The following DDX17 variants were observed in gnomAD, a reference collection of about 807,000 sequenced individuals.
The protein encoded by DDX17 is probable ATP-dependent RNA helicase DDX17.
Under a neutral mutation model 80.8 loss-of-function variants are expected in DDX17, and 10 were observed. That is an observed-to-expected ratio of 0.12 (90% CI 0.08 to 0.21). The LOEUF (loss-of-function observed/expected upper bound fraction) is 0.21, where lower values mean the gene tolerates loss of function less well. Among genes scored for constraint, DDX17 ranks in the 10% least tolerant of loss-of-function variants. The pLI is 1.00. For missense variants in DDX17, 586 were observed against 957.4 expected (o/e 0.61, Z 5.12); for synonymous variants, 339 against 336.2 (o/e 1.01, Z -0.09).
chr22:38,488,784 A>G (rs2089686987), intron 11 of DDX17: 1 of 985,568 alleles, frequency 1.0e-6, no homozygotes, highest in Non-Finnish European at 1.2e-6. Flanking sequence ...CAATTACAAG[A>G]GCACATTACA....
chr22:38,490,103 G>A (rs1238347828), intron 11 of DDX17: 5 of 1,133,974 alleles, frequency 4.4e-6, no homozygotes, highest in East Asian at 1.3e-4. Context: ...TCCTGTGTGT[G>A]CATGCACAGC....
intron 2 of DDX17, among the ~76,000 whole-genome samples, chr22:38,499,705 T>C (rs1397301457): frequency 6.6e-6 from 1 of 152,112 alleles, no homozygotes; most frequent in African/African-American, 2.4e-5. Context: ...TGATTAAGAG[T>C]TCCATTTTCT....
chr22:38,490,619 T>C, intron 11 of DDX17: 1 of 430,836 alleles, frequency 2.3e-6, no homozygotes, highest in Non-Finnish European at 3.9e-6. Flanking sequence ...GACCATCGCT[T>C]GACAGGAAGT....
chr22:38,487,960 T>C lies in DDX17; in HGVS notation c.1603A>G (p.Lys535Glu). The C allele has an allele frequency of 6.2e-7, 1 of 1,614,224 alleles. No individual in the cohort carries two copies. Among genetic ancestry groups the C allele is most frequent in the Non-Finnish European group, 8.5e-7 (1 of 1,180,018 alleles). The change falls in exon 12 of 13, where the codon AAA becomes GAA. Residue 535 changes from lysine to glutamate, a missense_variant. Physicochemically the swap from Lys to Glu is moderately conservative, Grantham distance 56 (BLOSUM62 1). Transcript: ENST00000403230. ...GCCTGATTGGCCTCTTCCAGCACTT[T>C]GATAAGCTCTCTGGCCTGTTTTAGG...
At chr22:38,498,883 T>C (rs952757317) in intron 3 of DDX17, among the ~76,000 whole-genome samples, 11 of 152,098 alleles carry the variant, frequency 7.2e-5, no homozygotes, top group African/African-American at 2.7e-4. Context: ...AGAGTGGTGG[T>C]GGGCCCTTGT....
At chr22:38,501,073 A>C in intron 2 of DDX17, 57 bp downstream of exon 2, 1 of 1,571,594 alleles carries the variant, frequency 6.4e-7, no homozygotes, top group Non-Finnish European at 8.6e-7. Flanking sequence ...ATAAACTCTA[A>C]CCAATATATC....
rs755442993 is a variant in DDX17 at position 38,498,077 on chromosome 22, A to G, written c.738+8T>C. On this transcript the variant is annotated splice_region_variant and intron_variant, in intron 5 of 12. Transcript: ENST00000403230. ...CTTAGAATTACAAAGAAACTGAAAC[A>G]CACTTACGATTGGGCCATCTCCCCT... 6.2e-7 allele frequency: 1 copy of G among 1,612,748 alleles called. No individual in the cohort carries two copies. Among genetic ancestry groups the G allele is most frequent in the Non-Finnish European group, 8.5e-7 (1 of 1,179,140 alleles).
At position 38,486,316 on chromosome 22, in the gene DDX17, C is replaced by T. The variant is rs550970848; in HGVS notation, c.1809G>A (p.Arg603=). Residue 603 remains arginine, a synonymous_variant, in exon 13 of 13, where the codon CGG becomes CGA. Coordinates refer to ENST00000403230, the MANE Select transcript of DDX17 (RefSeq NM_006386.5). ...CAGCTCTATCGGTTTCACTACGATC[C>T]CGATAGCTTGCAGAGTCTCTCCGGC... 1.1e-5 allele frequency: 17 copies of T among 1,614,170 alleles called. No individual in the cohort carries two copies. In the South Asian group the frequency reaches 1.8e-4, roughly 17 times the overall value.
rs956823624 is a variant in DDX17 at position 38,483,945 on chromosome 22, A to G, written c.*1990T>C. The G allele has an allele frequency of 2.6e-5, 4 of 152,322 alleles. No homozygotes were observed. Among genetic ancestry groups the G allele is most frequent in the Non-Finnish European group, 5.9e-5 (4 of 68,036 alleles). The allele number at this position is 152,322 out of a possible 1,614,324, so 9.4% of individuals were successfully genotyped here. On this transcript the variant is annotated 3_prime_UTR_variant, in exon 13 of 13. Coordinates refer to ENST00000403230, the MANE Select transcript of DDX17 (RefSeq NM_006386.5). ...TGTTATTTTATGATTACAATGTCCC[A>G]GGTGGAAAAAGGGAAGCAAGCAATC...
chr22:38,495,104 G>A, intron 6 of DDX17, 58 bp from the exon 7 acceptor site: 1 of 1,536,902 alleles, frequency 6.5e-7, no homozygotes. Context: ...TCACAGCTGT[G>A]TTCTAGCACT....
At chr22:38,500,118 GTGAGC>G (rs937671031) in intron 2 of DDX17, among the ~76,000 whole-genome samples, 7 of 150,850 alleles carry the variant, frequency 4.6e-5, no homozygotes, top group Non-Finnish European at 8.8e-5. Context: ...AGAGGTTGCA[GTGAGC>G]CAAGATCATG....
In DDX17 at chr22:38,488,120, C is replaced by T; in HGVS notation, c.1448-5G>A. 1 of 1,614,168 alleles carries T rather than the reference C, an allele frequency of 6.2e-7. No homozygotes were observed. The highest frequency in any genetic ancestry group is 8.5e-7 in the Non-Finnish European group (1 of 1,180,032). On this transcript the variant is annotated splice_region_variant and splice_polypyrimidine_tract_variant and intron_variant, in intron 11 of 12. Coordinates refer to ENST00000403230, the MANE Select transcript of DDX17 (RefSeq NM_006386.5). ...CAAACTTGACATCTTCCACATCTTC[C>T]ACGTCAATGATGAGTCAGTGTGTAG...
Position 38,485,969 on chromosome 22 carries a change from G to A in DDX17, c.2156C>T (p.Pro719Leu), listed in dbSNP as rs148337668. ...TGAAGGAGGAGGAGGGGGAGGAGGA[G>A]GAGGGTATTGGTAGGCAGTCTGCCC... is the stretch of plus-strand genomic sequence containing the variant. The change falls in exon 13 of 13, where the codon CCT becomes CTT. Residue 719 changes from proline to leucine, a missense_variant. This residue lies in a region of DDX17 where 221 missense variants were observed against 261.4 expected (regional missense o/e 0.85). Transcript: ENST00000403230. 8 of 1,613,842 alleles carry A rather than the reference G, an allele frequency of 5.0e-6. No homozygotes were observed. The highest frequency in any genetic ancestry group is 1.3e-5 in the African/African-American group (1 of 74,854).
Position 38,498,132 on chromosome 22 carries a change from C to T in DDX17, c.691G>A (p.Val231Ile). Residue 231 changes from valine (V) to isoleucine (I), a missense_variant, in exon 5 of 13, where the codon GTT becomes ATT. Around this residue, in one of 4 missense-constraint regions of DDX17, gnomAD observed 141 missense variants for 379.3 expected, o/e 0.37. Transcript: ENST00000403230. ...AAGTATGGCTGGTGGTTAATATGAA[C>T]AATTGCAGGCAGGAGATACTGTGGA... 6.2e-7 allele frequency: 1 copy of T among 1,614,024 alleles called. No homozygotes were observed. Among genetic ancestry groups the T allele is most frequent in the South Asian group, 1.1e-5 (1 of 91,078 alleles).
chr22:38,497,768 AAC>A (rs886103052), intron 5 of DDX17, among the ~76,000 whole-genome samples: 9 of 152,122 alleles, frequency 5.9e-5, no homozygotes, highest in Non-Finnish European at 1.0e-4. Context: ...ATCTCAAAAA[AAC>A]ACAAAAAATC....
chr22:38,487,829 G>A (rs140721905), intron 12 of DDX17, 50 bp downstream of exon 12: 51 of 1,604,902 alleles, frequency 3.2e-5, no homozygotes, highest in East Asian at 4.5e-5. Flanking sequence ...CACAGAAGGC[G>A]TAAAGAGATA....
chr22:38,485,200 A>G lies in DDX17; in HGVS notation c.*735T>C, dbSNP rs2089642642. 1.3e-5 allele frequency: 2 copies of G among 152,218 alleles called. No homozygotes were observed. Among genetic ancestry groups the G allele is most frequent in the Admixed American group, 1.3e-4 (2 of 15,284 alleles). 9.4% of individuals were successfully genotyped at this position (152,218 alleles called of 1,614,324 possible). A position where few individuals can be genotyped will look rare whatever the true frequency, so the allele number is the denominator to read the frequency against. On this transcript the variant is annotated 3_prime_UTR_variant, in exon 13 of 13. Transcript: ENST00000403230. ...GCTGAGATGCTACAGTTTAACCACT[A>G]CAATAAACACTTGTGGTTTTTAATT...
intron 1 of DDX17, 105 bp downstream of exon 1, chr22:38,505,846 C>A: frequency 2.1e-6 from 3 of 1,400,842 alleles, no homozygotes; most frequent in Middle Eastern, 2.6e-4. Context: ...CCCCTCGCCT[C>A]CCGGGTCGAG....
intron 11 of DDX17, chr22:38,490,253 A>G (rs1279087737): frequency 2.3e-5 from 29 of 1,244,482 alleles, no homozygotes; most frequent in Non-Finnish European, 2.9e-5. Flanking sequence ...TCCAAAGTTA[A>G]TGTTTTGGCC....
Sources: gnomAD v4.1 joint callset for allele counts (sites outside exome capture counted in the v4.1 genomes callset) on GRCh38, gnomAD v4.1.1 for gene constraint, gnomAD v4.1.1 regional missense constraint, MANE v1.5 for transcripts, NCBI Gene and HGNC (gene_info 2026-07-23, HGNC 2026-07-21) for gene names.